GRM7: variants seen among roughly 807,000 people sequenced by gnomAD.
GRM7 encodes metabotropic glutamate receptor 7.
Under a neutral mutation model 84.5 loss-of-function variants are expected in GRM7, and 35 were observed. The observed-to-expected ratio is 0.41, with a 90% CI of 0.32 to 0.55. GRM7 has a LOEUF of 0.55. Among genes scored for constraint, GRM7 ranks in the 20% least tolerant of loss-of-function variants. The pLI, the probability that GRM7 is intolerant of heterozygous loss-of-function variation, is 0.19. For synonymous variants in GRM7, 487 were observed against 455.1 expected (o/e 1.07, Z -0.89); for missense variants, 1,003 against 1,194.6 (o/e 0.84, Z 2.36).
At chr3:7,093,413 C>T (rs1226175117) in intron 1 of GRM7, among the ~76,000 whole-genome samples, 1 of 151,682 alleles carries the variant, frequency 6.6e-6, no homozygotes, top group Non-Finnish European at 1.5e-5. Flanking sequence ...GCCATGGTGG[C>T]TCATACCTGC....
chr3:6,937,748 C>A (rs973351576), intron 1 of GRM7, among the ~76,000 whole-genome samples: 2 of 152,148 alleles, frequency 1.3e-5, no homozygotes, highest in African/African-American at 4.8e-5. Context: ...AAATGCTGTG[C>A]TAATCTCAGA....
At chr3:7,063,858 A>T (rs1697522780) in intron 1 of GRM7, among the ~76,000 whole-genome samples, 1 of 151,664 alleles carries the variant, frequency 6.6e-6, no homozygotes, top group South Asian at 2.1e-4. Flanking sequence ...GTAATGTCCA[A>T]CAGAAGCTGT....
At chr3:7,429,736 C>T (rs1460283096) in intron 5 of GRM7, among the ~76,000 whole-genome samples, 1 of 152,138 alleles carries the variant, frequency 6.6e-6, no homozygotes, top group Non-Finnish European at 1.5e-5. Flanking sequence ...GTATTTTACT[C>T]TACTCTTGTA....
chr3:6,882,527 C>A (rs1260802938), intron 1 of GRM7, among the ~76,000 whole-genome samples: 1 of 151,772 alleles, frequency 6.6e-6, no homozygotes, highest in African/African-American at 2.4e-5. Flanking sequence ...GCCTGGACAA[C>A]ACAGCAAGAC....
In GRM7 at chr3:7,440,240, T is replaced by G. The variant is rs898601009; in HGVS notation, c.1175-12367T>G. 3.9e-5 allele frequency among the ~76,000 whole-genome samples: 6 copies of G among 152,248 alleles called. No individual in the cohort carries two copies. In the East Asian group the frequency reaches 1.2e-3, roughly 29 times the overall value. On this transcript the variant is annotated intron_variant, in intron 5 of 9. Coordinates refer to ENST00000357716, the MANE Select transcript of GRM7 (RefSeq NM_000844.4). ...GGAAAATGCAGGTGAACTTTGGAAG[T>G]GAATTCAAGTGTAAAGCTATCAACT...
At chr3:6,870,977 A>C (rs1019833570) in intron 1 of GRM7, among the ~76,000 whole-genome samples, 9 of 152,224 alleles carry the variant, frequency 5.9e-5, no homozygotes, top group Non-Finnish European at 1.2e-4. Context: ...GACATTAAGA[A>C]TAATTATCCG....
intron 1 of GRM7, among the ~76,000 whole-genome samples, chr3:6,889,712 G>T (rs931002520): frequency 6.6e-6 from 1 of 152,042 alleles, no homozygotes; most frequent in Non-Finnish European, 1.5e-5. Context: ...TTGTGTCTCT[G>T]CCTGGCTTTG....
intron 1 of GRM7, among the ~76,000 whole-genome samples, chr3:6,887,757 G>A (rs1382913581): frequency 6.6e-6 from 1 of 152,134 alleles, no homozygotes; most frequent in Non-Finnish European, 1.5e-5. Context: ...GTACTGGGAT[G>A]GCTGGGTCAA....
At chr3:7,591,407 A>AT in intron 8 of GRM7, 2 of 423,490 alleles carry the variant, frequency 4.7e-6, no homozygotes, top group Non-Finnish European at 9.3e-6. Context: ...GAAAACGAAT[A>AT]TTTTTATTGT....
In GRM7 at chr3:7,510,264, T is replaced by C. The variant is rs115499850; in HGVS notation, c.1515+48542T>C. Among the ~76,000 whole-genome samples, 469 of 152,282 alleles carry C rather than the reference T, an allele frequency of 3.1e-3. 1 individual carries two copies. Among genetic ancestry groups the C allele is most frequent in the African/African-American group, 0.011 (443 of 41,560 alleles). ...TTTCTTTTTCTGTAGAACTTGTCTT[T>C]TGAACATTCAGGCTCCCCAGAGAAC... On this transcript the variant is annotated intron_variant, in intron 7 of 9. Coordinates refer to ENST00000357716, the MANE Select transcript of GRM7 (RefSeq NM_000844.4).
rs1198737450 is a variant in GRM7, at chr3:7,360,104, G to A, written c.1033+53452G>A. Among the ~76,000 whole-genome samples, 7 of 145,660 alleles carry A rather than the reference G, an allele frequency of 4.8e-5. 1 individual carries two copies. The Admixed American group carries it at 4.8e-4, about 10-fold the overall frequency. On this transcript the variant is annotated intron_variant, in intron 4 of 9. Transcript: ENST00000357716. ...CAAATTTGCAATTTGGCAAGCATAA[G>A]GGTATCTCTTTCTCCCCCCCTTTTT...
intron 1 of GRM7, among the ~76,000 whole-genome samples, chr3:6,944,667 G>T (rs1395443044): frequency 1.3e-5 from 2 of 152,040 alleles, no homozygotes; most frequent in African/African-American, 4.8e-5. Context: ...CCGTACTTTT[G>T]CTATCTGGAT....
chr3:7,381,259 C>G (rs1163782885), intron 4 of GRM7, among the ~76,000 whole-genome samples: 1 of 152,116 alleles, frequency 6.6e-6, no homozygotes, highest in East Asian at 1.9e-4. Flanking sequence ...TGAAGGCATG[C>G]AAATCTGGAC....
intron 9 of GRM7, among the ~76,000 whole-genome samples, chr3:7,720,805 T>C (rs2106519367): frequency 6.6e-6 from 1 of 152,374 alleles, no homozygotes; most frequent in South Asian, 2.1e-4. Context: ...AAATGTTTGT[T>C]GAATGAGAAT....
intron 1 of GRM7, among the ~76,000 whole-genome samples, chr3:7,022,951 C>T (rs1300259790): frequency 1.3e-5 from 2 of 152,018 alleles, no homozygotes; most frequent in Non-Finnish European, 2.9e-5. Context: ...TAGAAGGAAG[C>T]TTATATACCC....
intron 1 of GRM7, among the ~76,000 whole-genome samples, chr3:6,965,580 C>T (rs188549709): frequency 3.3e-5 from 5 of 152,240 alleles, no homozygotes; most frequent in Admixed American, 2.6e-4. Flanking sequence ...AGAGATCTTC[C>T]TGCCACAGCC....
rs1574853890 is a variant in GRM7, at chr3:7,064,548, G to T, written c.520-81904G>T. Among the ~76,000 whole-genome samples the T allele has an allele frequency of 1.3e-4, 12 of 89,532 alleles. No homozygotes were observed. In the South Asian group the frequency reaches 1.7e-3, roughly 13 times the overall value. 58.7% of individuals were successfully genotyped at this position (89,532 alleles called of 152,430 possible). A position where few individuals can be genotyped will look rare whatever the true frequency, so the allele number is the denominator to read the frequency against. ...CACACACACGCATCCATCATGTATG[G>T]ATATATATATATATATATATATCAC... On this transcript the variant is annotated intron_variant, in intron 1 of 9. Transcript: ENST00000357716.
At chr3:7,154,681 T>G (rs1352357214) in intron 2 of GRM7, among the ~76,000 whole-genome samples, 1 of 152,138 alleles carries the variant, frequency 6.6e-6, no homozygotes, top group Non-Finnish European at 1.5e-5. Context: ...TGGAGAATTT[T>G]ATTGAGCCAT....
chr3:7,245,087 A>G (rs997131933), intron 2 of GRM7, among the ~76,000 whole-genome samples: 3 of 152,018 alleles, frequency 2.0e-5, no homozygotes, highest in Non-Finnish European at 2.9e-5. Flanking sequence ...TCTTTTGATC[A>G]GTGAGTTAGA....
Sources: allele counts gnomAD v4.1 joint callset (sites outside exome capture counted in the v4.1 genomes callset), GRCh38; gene constraint gnomAD v4.1.1; transcripts MANE v1.5; gene names NCBI Gene and HGNC (gene_info 2026-07-23, HGNC 2026-07-21).